Variants in PDZRN4 observed in about 807,000 individuals in gnomAD.
PDZRN4 encodes PDZ domain-containing RING finger protein 4.
A neutral mutation model predicts 99.0 loss-of-function variants in PDZRN4; 70 were observed. That is an observed-to-expected ratio of 0.71 (90% CI 0.58 to 0.86). The LOEUF (loss-of-function observed/expected upper bound fraction) is 0.86. Ranked by LOEUF, PDZRN4 falls within the 40% of genes least tolerant of loss-of-function variation. PDZRN4 has a pLI of 0.00. For synonymous variants in PDZRN4, 551 were observed against 501.6 expected, an observed-to-expected ratio of 1.10 and a Z score of -1.32; for missense variants, 1,474 against 1,331.2, an observed-to-expected ratio of 1.11 and a Z score of -1.67.
At chr12:41,566,671 C>T (rs1025496822) in intron 8 of PDZRN4, among the ~76,000 whole-genome samples, 1 of 152,096 alleles carries the variant, frequency 6.6e-6, no homozygotes, top group South Asian at 2.1e-4. Flanking sequence ...ATGCTAATGC[C>T]TCTTTTGGTG....
In PDZRN4 at chr12:41,234,248, T is replaced by C. The variant is rs576708834; in HGVS notation, c.843+40060T>C. On this transcript the variant is annotated intron_variant, in intron 3 of 9. Transcript: ENST00000402685. ...TGTAATTTTCTTTACCTTCAAAACA[T>C]GTACATAAAGAATACCTTCTCTGAA... Among the ~76,000 whole-genome samples, 8 of 152,230 alleles carry C rather than the reference T, an allele frequency of 5.3e-5. No individual in the cohort carries two copies. In the South Asian group the frequency reaches 8.3e-4, roughly 16 times the overall value.
rs529827112 is a variant in PDZRN4 at position 41,313,848 on chromosome 12, T to G, written c.843+119660T>G. Among the ~76,000 whole-genome samples the G allele has an allele frequency of 3.3e-5, 5 of 152,342 alleles. No homozygotes were observed. In the East Asian group the frequency reaches 9.6e-4, roughly 29 times the overall value. On this transcript the variant is annotated intron_variant, in intron 3 of 9. Coordinates refer to ENST00000402685, the MANE Select transcript of PDZRN4 (RefSeq NM_001164595.2). ...TGAATGATTTTGAACACCTTTAATT[T>G]CATTCTACCATCTGTATTCTCCAAA... is the stretch of plus-strand genomic sequence containing the variant.
chr12:41,517,282 C>G (rs942053620), intron 5 of PDZRN4, among the ~76,000 whole-genome samples: 1 of 152,000 alleles, frequency 6.6e-6, no homozygotes, highest in Non-Finnish European at 1.5e-5. Flanking sequence ...ATAAAGATTC[C>G]TTATACTACA....
chr12:41,232,170 A>T (rs922791030), intron 3 of PDZRN4, among the ~76,000 whole-genome samples: 2 of 152,032 alleles, frequency 1.3e-5, no homozygotes, highest in African/African-American at 4.8e-5. Flanking sequence ...ACTGCATGCT[A>T]AAAAAGTAAG....
chr12:41,224,082 G>T (rs1486622384), intron 3 of PDZRN4, among the ~76,000 whole-genome samples: 1 of 152,194 alleles, frequency 6.6e-6, no homozygotes, highest in Non-Finnish European at 1.5e-5. Flanking sequence ...CTTGAGGCCT[G>T]CCAGGCAAAG....
At chr12:41,558,131 T>G (rs1316310692) in intron 7 of PDZRN4, among the ~76,000 whole-genome samples, 3 of 152,214 alleles carry the variant, frequency 2.0e-5, no homozygotes, top group African/African-American at 7.2e-5. Flanking sequence ...TGAAATAATT[T>G]TAAACGTATT....
intron 3 of PDZRN4, among the ~76,000 whole-genome samples, chr12:41,250,772 TA>T (rs1188695565): frequency 6.6e-6 from 1 of 152,208 alleles, no homozygotes; most frequent in Non-Finnish European, 1.5e-5. Flanking sequence ...GAAAGACTAG[TA>T]AATCTTTCCT....
chr12:41,463,311 C>G (rs1952890071), intron 3 of PDZRN4, among the ~76,000 whole-genome samples: 1 of 152,150 alleles, frequency 6.6e-6, no homozygotes, highest in Non-Finnish European at 1.5e-5. Context: ...GCCTACCCAG[C>G]CCCAAAGCTT....
intron 3 of PDZRN4, among the ~76,000 whole-genome samples, chr12:41,362,688 T>A (rs1218379012): frequency 1.3e-5 from 2 of 152,050 alleles, no homozygotes; most frequent in Admixed American, 1.3e-4. Flanking sequence ...AGCAAAGGCA[T>A]GTAATCTGCT....
At chr12:41,197,457 C>T (rs781616349) in intron 3 of PDZRN4, among the ~76,000 whole-genome samples, 14 of 152,116 alleles carry the variant, frequency 9.2e-5, no homozygotes, top group Non-Finnish European at 2.1e-4. Flanking sequence ...TGGAGTCAGT[C>T]TCCACAAGCA....
In PDZRN4 at chr12:41,213,237, G is replaced by A. The variant is rs143909929; in HGVS notation, c.843+19049G>A. Among the ~76,000 whole-genome samples, 445 of 152,112 alleles carry A rather than the reference G, an allele frequency of 2.9e-3. 3 individuals are homozygous for A. Among genetic ancestry groups the A allele is most frequent in the South Asian group, 0.019 (93 of 4,824 alleles). On this transcript the variant is annotated intron_variant, in intron 3 of 9. Transcript: ENST00000402685. ...TAAGAAATCATTCTGCTGTAACGTT[G>A]CAAGTGGATTTGAGGAATCCAGATG...
At chr12:41,398,185 C>A (rs976654187) in intron 3 of PDZRN4, among the ~76,000 whole-genome samples, 3 of 152,186 alleles carry the variant, frequency 2.0e-5, no homozygotes, top group African/African-American at 4.8e-5. Context: ...CATTTGCAGA[C>A]CCCGTGTCCT....
chr12:41,249,029 T>C, intron 3 of PDZRN4, among the ~76,000 whole-genome samples: 1 of 152,184 alleles, frequency 6.6e-6, no homozygotes, highest in Non-Finnish European at 1.5e-5. Flanking sequence ...GTATTTATCT[T>C]AAATTACTCT....
intron 5 of PDZRN4, among the ~76,000 whole-genome samples, 182 bp from the exon 6 acceptor site, chr12:41,552,474 A>G (rs562831563): frequency 6.6e-6 from 1 of 152,178 alleles, no homozygotes; most frequent in Non-Finnish European, 1.5e-5. Context: ...GCTTCCCTAC[A>G]TAGAAATCCA....
intron 3 of PDZRN4, chr12:41,438,008 T>G (rs1308011900): frequency 6.2e-7 from 1 of 1,614,088 alleles, no homozygotes; most frequent in Non-Finnish European, 8.5e-7. Context: ...GTATGAAGTT[T>G]CCCAGGTGAG....
chr12:41,467,701 C>A (rs1952941834), intron 3 of PDZRN4, among the ~76,000 whole-genome samples: 1 of 152,216 alleles, frequency 6.6e-6, no homozygotes, highest in African/African-American at 2.4e-5. Flanking sequence ...CAGCCATGGA[C>A]TCTAGCTTCC....
chr12:41,368,340 C>G (rs746653002), intron 3 of PDZRN4, among the ~76,000 whole-genome samples: 1 of 152,044 alleles, frequency 6.6e-6, no homozygotes, highest in Non-Finnish European at 1.5e-5. Flanking sequence ...ATTTTCTACT[C>G]TTGACTTTAT....
At chr12:41,439,735 T>A (rs1952662161) in intron 3 of PDZRN4, among the ~76,000 whole-genome samples, 1 of 152,198 alleles carries the variant, frequency 6.6e-6, no homozygotes, top group Non-Finnish European at 1.5e-5. Context: ...TTATTTTATT[T>A]TCTCTACTCC....
intron 3 of PDZRN4, among the ~76,000 whole-genome samples, chr12:41,499,498 AG>A (rs1938073444): frequency 6.6e-6 from 1 of 152,128 alleles, no homozygotes; most frequent in African/African-American, 2.4e-5. Context: ...CACTCTTCAA[AG>A]GTGTTAAATG....
Sources: allele counts gnomAD v4.1 joint callset (sites outside exome capture counted in the v4.1 genomes callset), GRCh38; gene constraint gnomAD v4.1.1; transcripts MANE v1.5; gene names NCBI Gene and HGNC (gene_info 2026-07-23, HGNC 2026-07-21).